DCAF8L2: variants seen among roughly 807,000 people sequenced by gnomAD.
DCAF8L2 encodes DDB1 and CUL4 associated factor 8 like 2.
For missense variants in DCAF8L2, 430 were observed against 490.7 expected (o/e 0.88, Z 1.17); for synonymous variants, 200 against 190.9 (o/e 1.05, Z -0.39).
chrX:27,515,533 G>A, the DCAF8L2 span, among the ~76,000 whole-genome samples: 1 of 111,405 alleles, frequency 9.0e-6, no homozygotes. Flanking sequence ...CAACAAAAGC[G>A]AAACTCAGTC....
chrX:27,667,954 A>G (rs1172441790), intron 2 of DCAF8L2, among the ~76,000 whole-genome samples: 1 of 112,174 alleles, frequency 8.9e-6, no homozygotes, highest in Non-Finnish European at 1.9e-5. Flanking sequence ...TCCTTTCACT[A>G]ATAAAGAATA....
At chrX:27,631,226 G>T (rs1402396612) in intron 1 of DCAF8L2, among the ~76,000 whole-genome samples, 1 of 111,406 alleles carries the variant, frequency 9.0e-6, no homozygotes, top group African/African-American at 3.3e-5. Context: ...CAACAAACTA[G>T]GTATAGAAGG....
intron 2 of DCAF8L2, among the ~76,000 whole-genome samples, chrX:27,676,583 A>G (rs937069352): frequency 3.6e-5 from 4 of 110,798 alleles, no homozygotes; most frequent in Non-Finnish European, 1.9e-5. Context: ...AACCACCAAG[A>G]AAGAGTCCAA....
chrX:27,521,689 A>C, the DCAF8L2 span, among the ~76,000 whole-genome samples: 1 of 111,963 alleles, frequency 8.9e-6, no homozygotes, highest in African/African-American at 3.2e-5. Context: ...GGAAATGAAA[A>C]ACTAATGTCT....
chrX:27,497,581 T>C, the DCAF8L2 span, among the ~76,000 whole-genome samples: 4 of 89,414 alleles, frequency 4.5e-5, no homozygotes, highest in Non-Finnish European at 6.3e-5. Flanking sequence ...TCTTTCTTTC[T>C]TCTTTCCAAT....
chrX:27,497,505 T>TTCCTTCCTTCCTTCCTTCCTTCCTTCC, the DCAF8L2 span, among the ~76,000 whole-genome samples: 1 of 23,572 alleles, frequency 4.2e-5, no homozygotes, highest in African/African-American at 1.2e-4. Flanking sequence ...TTATTCTTTC[T>TTCCTTCCTTCCTTCCTTCCTTCCTTCC]TTCTTTCCTT....
At chrX:27,529,816 A>G in the DCAF8L2 span, among the ~76,000 whole-genome samples, 1 of 112,073 alleles carries the variant, frequency 8.9e-6, no homozygotes, top group African/African-American at 3.2e-5. Flanking sequence ...ATTGTGATAC[A>G]AAGAAACTCC....
At chrX:27,674,702 A>C (rs778688727) in intron 2 of DCAF8L2, among the ~76,000 whole-genome samples, 3 of 111,780 alleles carry the variant, frequency 2.7e-5, no homozygotes, top group Admixed American at 9.6e-5. Context: ...AATGTTAGGC[A>C]GGGAGAGAAA....
chrX:27,517,905 C>T, the DCAF8L2 span: 1 of 1,166,399 alleles, frequency 8.6e-7, no homozygotes, highest in Non-Finnish European at 1.2e-6. Context: ...TGGCAGACAA[C>T]TTTTTGACCA....
intron 4 of DCAF8L2, among the ~76,000 whole-genome samples, chrX:27,716,639 T>A (rs1931710645): frequency 8.9e-6 from 1 of 112,557 alleles, no homozygotes; most frequent in Admixed American, 9.4e-5. Flanking sequence ...CATTCAATTT[T>A]AAAAACAGGG....
chrX:27,674,992 T>C (rs6526695), intron 2 of DCAF8L2, among the ~76,000 whole-genome samples: 10,472 of 111,471 alleles, frequency 0.094, 1,198 homozygotes, highest in African/African-American at 0.32. Flanking sequence ...CTGAAGAGAA[T>C]GAAATTGGAA....
chrX:27,613,254 C>T (rs1234817645), intron 1 of DCAF8L2, among the ~76,000 whole-genome samples: 44 of 111,139 alleles, frequency 4.0e-4, no homozygotes, highest in Non-Finnish European at 6.8e-4. Context: ...CTCTGTTTGT[C>T]TGTTATTGGT....
chrX:27,698,940 G>A lies in DCAF8L2; in HGVS notation c.-142-17148G>A, dbSNP rs141137724. On this transcript the variant is annotated intron_variant, in intron 3 of 4. Transcript: ENST00000451261. ...TAATTAAAACCTTTTTCTCAGCACA[G>A]TATCTATCAAAAGGGTTTTCATTGT... is the stretch of plus-strand genomic sequence containing the variant. Among the ~76,000 whole-genome samples the A allele has an allele frequency of 9.6e-3, 1,067 of 111,633 alleles. 7 individuals are homozygous for A. Among genetic ancestry groups the A allele is most frequent in the African/African-American group, 0.033 (1,006 of 30,720 alleles).
At chrX:27,618,364 G>A (rs1415302222) in intron 1 of DCAF8L2, among the ~76,000 whole-genome samples, 1 of 111,125 alleles carries the variant, frequency 9.0e-6, no homozygotes, top group African/African-American at 3.3e-5. Context: ...CAGTGGAAAA[G>A]AAAAAAATGG....
intron 1 of DCAF8L2, among the ~76,000 whole-genome samples, chrX:27,611,617 C>G (rs752001273): frequency 9.2e-6 from 1 of 108,957 alleles, no homozygotes; most frequent in Admixed American, 1.0e-4. Flanking sequence ...CGACAGGCCC[C>G]GGTGTGTGAT....
At chrX:27,607,435 T>G (rs768795181) in intron 1 of DCAF8L2, among the ~76,000 whole-genome samples, 1 of 111,666 alleles carries the variant, frequency 9.0e-6, no homozygotes, top group African/African-American at 3.2e-5. Flanking sequence ...AGATTTGCTC[T>G]TACATTTTCG....
At chrX:27,476,211 T>A in the DCAF8L2 span, among the ~76,000 whole-genome samples, 5 of 109,401 alleles carry the variant, frequency 4.6e-5, no homozygotes, top group Non-Finnish European at 9.5e-5. Flanking sequence ...AAAATGAGTA[T>A]GGCAGTATCC....
chrX:27,569,197 T>C, the DCAF8L2 span, among the ~76,000 whole-genome samples: 1 of 111,239 alleles, frequency 9.0e-6, no homozygotes, highest in African/African-American at 3.3e-5. Context: ...AACCATTCTC[T>C]TACCACCACC....
At chrX:27,742,796 G>A (rs1193570194) in intron 4 of DCAF8L2, among the ~76,000 whole-genome samples, 1 of 111,346 alleles carries the variant, frequency 9.0e-6, no homozygotes, top group Non-Finnish European at 1.9e-5. Flanking sequence ...CATAATTTTA[G>A]TCTAGTTTCT....
Sources: gnomAD v4.1 joint callset for allele counts (sites outside exome capture counted in the v4.1 genomes callset) on GRCh38, gnomAD v4.1.1 for gene constraint, MANE v1.5 for transcripts, NCBI Gene and HGNC (gene_info 2026-07-23, HGNC 2026-07-21) for gene names.